Variants in DNAH9 observed in about 807,000 individuals in gnomAD.
DNAH9 encodes DNAH9 variant protein.
A neutral mutation model predicts 471.6 loss-of-function variants in DNAH9; 345 were observed. The observed-to-expected ratio is 0.73, with a 90% CI of 0.67 to 0.80. The LOEUF (loss-of-function observed/expected upper bound fraction) is 0.80, where lower values mean the gene tolerates loss of function less well. Among genes scored for constraint, DNAH9 ranks in the 30% least tolerant of loss-of-function variants. The pLI is 0.00. For missense variants in DNAH9, 5,407 were observed against 5,609.2 expected, an observed-to-expected ratio of 0.96 and a Z score of 1.15; for synonymous variants, 2,093 against 2,123.6, an observed-to-expected ratio of 0.99 and a Z score of 0.40.
intron 67 of DNAH9, among the ~76,000 whole-genome samples, chr17:11,961,583 C>T (rs1256739986): frequency 6.6e-6 from 1 of 152,178 alleles, no homozygotes; most frequent in Non-Finnish European, 1.5e-5. Flanking sequence ...CAATGGGAAG[C>T]AATTGTGTCT....
intron 61 of DNAH9, among the ~76,000 whole-genome samples, chr17:11,911,065 T>A (rs905466248): frequency 6.6e-6 from 1 of 152,256 alleles, no homozygotes; most frequent in African/African-American, 2.4e-5. Context: ...ATCTATGTTT[T>A]CCTTTGGCCA....
In DNAH9 at chr17:11,752,868, A is replaced by G. The variant is rs1418318775; in HGVS notation, c.6646A>G (p.Ile2216Val). 1 of 1,607,536 alleles carries G rather than the reference A, an allele frequency of 6.2e-7. No individual in the cohort carries two copies. Among genetic ancestry groups the G allele is most frequent in the African/African-American group, 1.3e-5 (1 of 74,772 alleles). ...TTCCATCATGCGGGAGCTTGCCAACATCACCCATGATGGGCCCAAGTGGAT... is the reference window on the plus strand; with the variant it reads ...TTCCATCATGCGGGAGCTTGCCAACGTCACCCATGATGGGCCCAAGTGGAT... ...FSSIMRELAN[I>V]THDGPKWILL... is the part of the protein sequence containing the mutation. Residue 2216 changes from isoleucine to valine, a missense_variant, in exon 33 of 69, where the codon ATC becomes GTC. Transcript: ENST00000262442.
At chr17:11,654,382 T>TAAA (rs1555557833) in intron 14 of DNAH9, among the ~76,000 whole-genome samples, 1 of 123,466 alleles carries the variant, frequency 8.1e-6, no homozygotes, top group Non-Finnish European at 1.8e-5. Flanking sequence ...AAAAAAAGTT[T>TAAA]AAAATCGATC....
In DNAH9 at chr17:11,666,489, CA is replaced by C. The variant is rs1431708847; in HGVS notation, c.2731+1522del. Among the ~76,000 whole-genome samples the C allele has an allele frequency of 2.0e-5, 3 of 152,304 alleles. No individual in the cohort carries two copies. The East Asian group carries it at 5.8e-4, about 29-fold the overall frequency. On this transcript the variant is annotated intron_variant, in intron 15 of 68. Coordinates refer to ENST00000262442, the MANE Select transcript of DNAH9 (RefSeq NM_001372.4). ...CCTTCGCTTTGTGGAAATAGGAGGA[CA>C]GGGGAACACATTTTCTTCACAATAT...
chr17:11,611,046 T>TTGCTCCTGCTCC lies in DNAH9; in HGVS notation c.773+509_773+520dup, dbSNP rs61286679. Among the ~76,000 whole-genome samples, 83 of 151,104 alleles carry TTGCTCCTGCTCC rather than the reference T, an allele frequency of 5.5e-4. 1 individual carries two copies. The highest frequency in any genetic ancestry group is 1.6e-3 in the African/African-American group (65 of 41,008). ...GTGTTTGTCCAGAAAGGCTTCATTA[T>TTGCTCCTGCTCC]TGCTCCTGCTCCTGCTCCTGCTCCT... On this transcript the variant is annotated intron_variant, in intron 3 of 68. Coordinates refer to ENST00000262442, the MANE Select transcript of DNAH9 (RefSeq NM_001372.4).
chr17:11,818,827 T>A (rs1401282230), intron 45 of DNAH9, among the ~76,000 whole-genome samples: 1 of 152,022 alleles, frequency 6.6e-6, no homozygotes. Flanking sequence ...AGAAAACTGA[T>A]GTCATTTAGT....
Position 11,945,175 on chromosome 17 carries a change from T to C in DNAH9, c.12843+2690T>C, listed in dbSNP as rs186462527. On this transcript the variant is annotated intron_variant, in intron 67 of 68. Transcript: ENST00000262442. ...GGCACGCTTGGCTTTGCTGACCAGCTTACCTGGCAGGGGGAAGGGGAAGAG... is the reference window on the plus strand; with the variant it reads ...GGCACGCTTGGCTTTGCTGACCAGCCTACCTGGCAGGGGGAAGGGGAAGAG... Among the ~76,000 whole-genome samples, 392 of 152,300 alleles carry C rather than the reference T, an allele frequency of 2.6e-3. 6 individuals are homozygous for C. The highest frequency in any genetic ancestry group is 8.3e-3 in the African/African-American group (347 of 41,568).
At chr17:11,960,435 T>TAAAAAAAAAAAAAAAAAAAAAAAAAAA (rs3074845) in intron 67 of DNAH9, among the ~76,000 whole-genome samples, 3 of 54,044 alleles carry the variant, frequency 5.6e-5, no homozygotes, top group South Asian at 7.6e-4. Context: ...GACTCTGTCT[T>TAAAAAAAAAAAAAAAAAAAAAAAAAAA]AAAAAAAAAA....
At chr17:11,617,846 T>C (rs35341320) in intron 5 of DNAH9, among the ~76,000 whole-genome samples, 14,777 of 152,228 alleles carry the variant, frequency 0.097, 1,350 homozygotes, top group African/African-American at 0.24. Flanking sequence ...CTTTCCCCTC[T>C]GCCTAAGAGG....
chr17:11,655,440 A>G (rs991269043), intron 14 of DNAH9, among the ~76,000 whole-genome samples: 1 of 151,280 alleles, frequency 6.6e-6, no homozygotes, highest in Non-Finnish European at 1.5e-5. Context: ...TCTTCTGTTC[A>G]TGGAGCTTCT....
At chr17:11,834,986 A>G in intron 49 of DNAH9, 88 bp downstream of exon 49, 1 of 1,511,596 alleles carries the variant, frequency 6.6e-7, no homozygotes, top group Non-Finnish European at 8.9e-7. Context: ...ATGCAAGGAC[A>G]ATGTTGGGAG....
intron 28 of DNAH9, among the ~76,000 whole-genome samples, chr17:11,729,216 TC>T (rs1567754850): frequency 6.6e-6 from 1 of 151,930 alleles, no homozygotes; most frequent in Non-Finnish European, 1.5e-5. Flanking sequence ...CAGGCTCCAT[TC>T]CCCCCAGGAA....
intron 38 of DNAH9, among the ~76,000 whole-genome samples, chr17:11,775,834 C>T (rs1400125478): frequency 2.0e-5 from 3 of 152,016 alleles, no homozygotes; most frequent in Non-Finnish European, 1.5e-5. Flanking sequence ...CCTCGTGATC[C>T]GCCCGCCTCG....
intron 1 of DNAH9, among the ~76,000 whole-genome samples, chr17:11,602,416 C>A (rs568815041): frequency 1.1e-4 from 17 of 152,300 alleles, no homozygotes; most frequent in African/African-American, 3.6e-4. Context: ...CCTGGCTCCT[C>A]CTGGAGGACT....
At position 11,797,512 on chromosome 17, in the gene DNAH9, G is replaced by A; in HGVS notation, c.8224-85G>A. 5.3e-6 allele frequency: 6 copies of A among 1,130,078 alleles called. No homozygotes were observed. The South Asian group carries it at 6.2e-5, about 12-fold the overall frequency. The allele number at this position is 1,130,078 out of a possible 1,614,324, so 70.0% of individuals were successfully genotyped here. On this transcript the variant is annotated intron_variant, in intron 42 of 68. Transcript: ENST00000262442. The stretch of plus-strand genomic sequence containing the variant: ...CTGATGCCTAATTTCCAGGGAATGT[G>A]CAGAGCAAATCAGGTGTCTCTGCTC...
chr17:11,602,937 G>A lies in DNAH9; in HGVS notation c.417+4022G>A, dbSNP rs528935615. 1.4e-4 allele frequency among the ~76,000 whole-genome samples: 22 copies of A among 152,256 alleles called. No individual in the cohort carries two copies. The East Asian group carries it at 4.1e-3, about 28-fold the overall frequency. On this transcript the variant is annotated intron_variant, in intron 1 of 68. Coordinates refer to ENST00000262442, the MANE Select transcript of DNAH9 (RefSeq NM_001372.4). ...CTGGGAGCTCCAATCTCTTGACCTT[G>A]GCTCCTTCCCATTGGCCCTGGACCA...
Position 11,647,187 on chromosome 17 carries a change from T to G in DNAH9, c.2086T>G (p.Phe696Val), listed in dbSNP as rs774955518. Residue 696 changes from phenylalanine (F) to valine (V), a missense_variant, in exon 12 of 69, where the codon TTT becomes GTT. Transcript: ENST00000262442. ...DPETKEITINFNPQLISVLKE... is the reference protein window; with the variant it reads ...DPETKEITINVNPQLISVLKE... ...AGAGACGAAGGAGATCACTATCAAC[T>G]TTAACCCACAGGTCAGTTGGCTGAC... 1 of 1,614,028 alleles carries G rather than the reference T, an allele frequency of 6.2e-7. No individual in the cohort carries two copies. Among genetic ancestry groups the G allele is most frequent in the African/African-American group, 1.3e-5 (1 of 75,052 alleles).
At chr17:11,877,473 TAAAAAAAAA>T (rs550300868) in intron 53 of DNAH9, among the ~76,000 whole-genome samples, 1,660 of 68,640 alleles carry the variant, frequency 0.024, 60 homozygotes, top group African/African-American at 0.1. Context: ...AAACTCTGTC[TAAAAAAAAA>T]AAAAAAAAAA....
chr17:11,866,015 C>T (rs941591640), intron 50 of DNAH9, among the ~76,000 whole-genome samples: 1 of 152,254 alleles, frequency 6.6e-6, no homozygotes, highest in Non-Finnish European at 1.5e-5. Flanking sequence ...CTTCTCTCAA[C>T]TCGTCAAAGT....
Sources: gnomAD v4.1 joint callset for allele counts (sites outside exome capture counted in the v4.1 genomes callset) on GRCh38, gnomAD v4.1.1 for gene constraint, MANE v1.5 for transcripts, NCBI Gene and HGNC (gene_info 2026-07-23, HGNC 2026-07-21) for gene names.